TNFRSF10B: variants seen among roughly 807,000 people sequenced by gnomAD.
TNFRSF10B encodes the protein tumor necrosis factor receptor superfamily member 10B.
Under a neutral mutation model 41.4 loss-of-function variants are expected in TNFRSF10B, and 35 were observed. That is an observed-to-expected ratio of 0.85 (90% CI 0.65 to 1.12). TNFRSF10B has a LOEUF of 1.12. TNFRSF10B is among the 50% of genes most tolerant of loss of function. The pLI, the probability that TNFRSF10B is intolerant of heterozygous loss-of-function variation, is 0.00. For missense variants in TNFRSF10B, 584 were observed against 552.7 expected (o/e 1.06, Z -0.57); for synonymous variants, 230 against 215.5 (o/e 1.07, Z -0.59).
rs1006971353 is a variant in TNFRSF10B at position 23,020,687 on chromosome 8, G to A, written c.*1984C>T. On this transcript the variant is annotated 3_prime_UTR_variant, in exon 9 of 9. Transcript: ENST00000276431. Reference sequence around the variant, plus strand: ...AGCCTGGGCGAGAGAGTGAGATTCTGTCTCAAAAAAATTAAAAATAAAAGA... The same window carrying A: ...AGCCTGGGCGAGAGAGTGAGATTCTATCTCAAAAAAATTAAAAATAAAAGA... 4.4e-6 allele frequency: 2 copies of A among 453,752 alleles called. No homozygotes were observed. Among genetic ancestry groups the A allele is most frequent in the African/African-American group, 2.0e-5 (1 of 49,904 alleles). The allele number at this position is 453,752 out of a possible 1,614,324, so 28.1% of individuals were successfully genotyped here. A position where few individuals can be genotyped will look rare whatever the true frequency, so the allele number is the denominator to read the frequency against.
intron 2 of TNFRSF10B, among the ~76,000 whole-genome samples, chr8:23,038,832 A>G (rs558745241): frequency 6.7e-4 from 102 of 152,160 alleles, no homozygotes; most frequent in African/African-American, 2.2e-3. Flanking sequence ...GGTCTCCAAC[A>G]TTTTTGCCAC....
chr8:23,028,789 A>G (rs371427153), intron 4 of TNFRSF10B, among the ~76,000 whole-genome samples, 187 bp from the exon 5 acceptor site: 64 of 152,252 alleles, frequency 4.2e-4, no homozygotes, highest in African/African-American at 1.5e-3. Context: ...GAGCATGCGC[A>G]CTTCAGCCCC....
intron 2 of TNFRSF10B, among the ~76,000 whole-genome samples, chr8:23,039,723 G>A (rs1045164796): frequency 1.3e-5 from 2 of 152,196 alleles, no homozygotes; most frequent in Non-Finnish European, 2.9e-5. Context: ...TAAGATCGAC[G>A]TCAGTGGTCA....
rs373915654 is a variant in TNFRSF10B, at chr8:23,040,370, A to AAT, written c.250+2766_250+2767dup. Among the ~76,000 whole-genome samples, 7 of 15,420 alleles carry AAT rather than the reference A, an allele frequency of 4.5e-4. 1 individual carries two copies. The highest frequency in any genetic ancestry group is 6.8e-4 in the African/African-American group (5 of 7,400). The allele number at this position is 15,420 out of a possible 152,430, so 10.1% of individuals were successfully genotyped here. Reference sequence around the variant, plus strand: ...ATATATACAAAATATATATTTAATAAATATATATACAAAATATATATTTAT... The same window carrying AAT: ...ATATATACAAAATATATATTTAATAAATATATATATACAAAATATATATTTAT... On this transcript the variant is annotated intron_variant, in intron 2 of 8. Coordinates refer to ENST00000276431, the MANE Select transcript of TNFRSF10B (RefSeq NM_003842.5).
chr8:23,053,079 G>C (rs531559631), intron 1 of TNFRSF10B, among the ~76,000 whole-genome samples: 7 of 152,324 alleles, frequency 4.6e-5, no homozygotes, highest in Admixed American at 3.3e-4. Flanking sequence ...ATTTATGCAA[G>C]AAATGTTGTA....
chr8:23,033,824 A>C (rs1329332829), intron 2 of TNFRSF10B, among the ~76,000 whole-genome samples: 1 of 151,952 alleles, frequency 6.6e-6, no homozygotes, highest in East Asian at 1.9e-4. Flanking sequence ...AGAGAGAGCG[A>C]GCAAGCGAGA....
In TNFRSF10B at chr8:23,068,823, C is replaced by A; in HGVS notation, c.72G>T (p.Glu24Asp). 6.2e-7 allele frequency: 1 copy of A among 1,612,762 alleles called. No homozygotes were observed. The highest frequency in any genetic ancestry group is 8.5e-7 in the Non-Finnish European group (1 of 1,179,764). Residue 24 changes from glutamate to aspartate, a missense_variant, in exon 1 of 9, where the codon GAG becomes GAT. Transcript: ENST00000276431. ...ARKRHGPGPREARGARPGPRV... is the reference protein window; with the variant it reads ...ARKRHGPGPRDARGARPGPRV... ...GGGGCCCAGGCCTGGCTCCCCGCGC[C>A]TCCCTGGGTCCTGGGCCGTGCCTTT...
In TNFRSF10B at chr8:23,022,967, C is replaced by G. The variant is rs778737106; in HGVS notation, c.1027G>C (p.Asp343His). 4 of 1,612,588 alleles carry G rather than the reference C, an allele frequency of 2.5e-6. No homozygotes were observed. The highest frequency in any genetic ancestry group is 2.5e-6 in the Non-Finnish European group (3 of 1,180,028). ...AAGGGCACCAAGTCTGCAAAGTCAT[C>G]GAAGCACTGTCTCAGAGCTGGTGGA... is the stretch of plus-strand genomic sequence containing the variant. The part of the protein sequence containing the change: ...DPTETLRQCF[D>H]DFADLVPFDS... The change falls in exon 9 of 9, where the codon GAT (aspartate) becomes CAT (histidine). Residue 343 changes from aspartate to histidine, a missense_variant. Transcript: ENST00000276431.
chr8:23,020,278 C>G lies in TNFRSF10B; in HGVS notation c.*2393G>C, dbSNP rs778685665. Reference sequence around the variant, plus strand: ...CAGAAGCATGAAAGGACACCAACCACGAGTGACACACTATACTATGGCTGT... The same window carrying G: ...CAGAAGCATGAAAGGACACCAACCAGGAGTGACACACTATACTATGGCTGT... On this transcript the variant is annotated 3_prime_UTR_variant, in exon 9 of 9. Transcript: ENST00000276431. 2.4e-5 allele frequency: 11 copies of G among 454,002 alleles called. No homozygotes were observed. Among genetic ancestry groups the G allele is most frequent in the African/African-American group, 4.0e-5 (2 of 50,002 alleles). 28.1% of individuals were successfully genotyped at this position (454,002 alleles called of 1,614,324 possible). A position where few individuals can be genotyped will look rare whatever the true frequency, so the allele number is the denominator to read the frequency against.
chr8:23,055,521 T>TAAAAAAAAAAAAAAAAAAAAAAAAAA (rs34761330), intron 1 of TNFRSF10B, among the ~76,000 whole-genome samples: 1 of 120,542 alleles, frequency 8.3e-6, no homozygotes, highest in African/African-American at 3.1e-5. Flanking sequence ...ATTAAATGCT[T>TAAAAAAAAAAAAAAAAAAAAAAAAAA]AAAAAAAAAA....
intron 1 of TNFRSF10B, among the ~76,000 whole-genome samples, chr8:23,063,826 A>G (rs1812905507): frequency 6.6e-6 from 1 of 152,118 alleles, no homozygotes; most frequent in South Asian, 2.1e-4. Context: ...AAACTTGACA[A>G]TGGCCTTGGT....
intron 1 of TNFRSF10B, 45 bp from the exon 2 acceptor site, chr8:23,043,288 C>T (rs1414466907): frequency 7.3e-6 from 11 of 1,505,748 alleles, no homozygotes; most frequent in African/African-American, 1.4e-5. Flanking sequence ...TTCCAGACCT[C>T]ACCCCTCCCA....
chr8:23,048,454 AAAC>A (rs1316675524), intron 1 of TNFRSF10B, among the ~76,000 whole-genome samples: 3 of 151,486 alleles, frequency 2.0e-5, no homozygotes, highest in African/African-American at 7.3e-5. Context: ...AAAAAAAAAA[AAAC>A]AACTGAACTC....
In TNFRSF10B at chr8:23,022,465, T is replaced by C. The variant is rs1173919037; in HGVS notation, c.*206A>G. The stretch of plus-strand genomic sequence containing the variant: ...CCAGACATTTCCATAGTGTCCTTAT[T>C]ATCACATTCAGCTTATAAAAATAAT... On this transcript the variant is annotated 3_prime_UTR_variant, in exon 9 of 9. Coordinates refer to ENST00000276431, the MANE Select transcript of TNFRSF10B (RefSeq NM_003842.5). The C allele has an allele frequency of 5.8e-6, 4 of 688,934 alleles. No individual in the cohort carries two copies. The Admixed American group carries it at 8.1e-5, about 14-fold the overall frequency. The allele number at this position is 688,934 out of a possible 1,614,324, so 42.7% of individuals were successfully genotyped here.
At chr8:23,058,221 T>C (rs1232184765) in intron 1 of TNFRSF10B, among the ~76,000 whole-genome samples, 2 of 152,200 alleles carry the variant, frequency 1.3e-5, no homozygotes, top group African/African-American at 4.8e-5. Context: ...CACTCCAGCC[T>C]GGGTAATAGA....
intron 8 of TNFRSF10B, 111 bp from the exon 9 acceptor site, chr8:23,023,095 G>A (rs917533157): frequency 2.2e-5 from 30 of 1,378,212 alleles, no homozygotes; most frequent in East Asian, 1.0e-4. Context: ...CCCCGTGTGC[G>A]GGCAAACCTG....
At chr8:23,048,263 C>G (rs1812419245) in intron 1 of TNFRSF10B, among the ~76,000 whole-genome samples, 1 of 151,850 alleles carries the variant, frequency 6.6e-6, no homozygotes, top group Admixed American at 6.6e-5. Context: ...TGGTGAAACC[C>G]TGTTTCTATT....
chr8:23,034,733 C>CA (rs1001642524), intron 2 of TNFRSF10B, among the ~76,000 whole-genome samples: 13 of 152,186 alleles, frequency 8.5e-5, no homozygotes, highest in Middle Eastern at 6.8e-3. Context: ...CTGTAAAGCA[C>CA]AAAAAAACAA....
intron 1 of TNFRSF10B, among the ~76,000 whole-genome samples, chr8:23,047,822 A>G (rs186410192): frequency 4.6e-5 from 7 of 152,336 alleles, no homozygotes; most frequent in African/African-American, 1.7e-4. Flanking sequence ...TAAAAATAGA[A>G]TTATTATATG....
Sources: allele counts gnomAD v4.1 joint callset (sites outside exome capture counted in the v4.1 genomes callset), GRCh38; gene constraint gnomAD v4.1.1; transcripts MANE v1.5; gene names NCBI Gene and HGNC (gene_info 2026-07-23, HGNC 2026-07-21).